Variants in ELFN2 observed in about 807,000 individuals in gnomAD.
ELFN2 encodes the protein extracellular leucine rich repeat and fibronectin type III domain containing 2, also known as protein phosphatase 1 regulatory subunit 29.
A neutral mutation model predicts 45.5 loss-of-function variants in ELFN2; 17 were observed. The ratio of observed to expected loss-of-function variants is 0.37; its 90% CI spans 0.26 to 0.56. The LOEUF is 0.56. Among genes scored for constraint, ELFN2 ranks in the 20% least tolerant of loss-of-function variants. ELFN2 has a pLI of 0.77. For synonymous variants in ELFN2, 550 were observed against 551.5 expected (o/e 1.00, Z 0.04); for missense variants, 922 against 1,183.2 (o/e 0.78, Z 3.24).
chr22:37,364,498 T>C (rs537175754), downstream of ELFN2, among the ~76,000 whole-genome samples: 1 of 151,900 alleles, frequency 6.6e-6, no homozygotes, highest in African/African-American at 2.4e-5. Context: ...AGGAAAACAG[T>C]GAGGGGCCAA....
intron 2 of ELFN2, among the ~76,000 whole-genome samples, chr22:37,409,481 G>C (rs1381153271): frequency 1.3e-5 from 2 of 152,160 alleles, no homozygotes; most frequent in African/African-American, 2.4e-5. Flanking sequence ...AAGTCCCAGG[G>C]AGCCCGCAGG....
At chr22:37,362,640 G>C (rs1328914060) in intron 1 of ELFN2, among the ~76,000 whole-genome samples, 1 of 152,244 alleles carries the variant, frequency 6.6e-6, no homozygotes, top group Non-Finnish European at 1.5e-5. Flanking sequence ...TGGGAGTAAA[G>C]TGGGTTAGAG....
intron 1 of ELFN2, among the ~76,000 whole-genome samples, chr22:37,348,091 C>G (rs1271014621): frequency 1.3e-5 from 2 of 152,242 alleles, no homozygotes; most frequent in Non-Finnish European, 2.9e-5. Flanking sequence ...TGGCTGTCCT[C>G]AACCTCAGGG....
chr22:37,387,392 C>T (rs184790527), intron 2 of ELFN2, among the ~76,000 whole-genome samples: 6 of 152,216 alleles, frequency 3.9e-5, no homozygotes, highest in Admixed American at 3.3e-4. Flanking sequence ...CTTTCTCCCC[C>T]CTTCTCTCTC....
At chr22:37,384,417 C>CA (rs763720557) in intron 2 of ELFN2, among the ~76,000 whole-genome samples, 4 of 151,772 alleles carry the variant, frequency 2.6e-5, no homozygotes, top group Non-Finnish European at 4.4e-5. Flanking sequence ...CTGCCTCCCT[C>CA]ACCCCTTCTC....
intron 2 of ELFN2, among the ~76,000 whole-genome samples, chr22:37,400,827 C>T (rs932963980): frequency 3.3e-5 from 5 of 152,240 alleles, no homozygotes; most frequent in African/African-American, 4.8e-5. Context: ...GGAGATCAAA[C>T]GAGGGCATTA....
At chr22:37,363,487 G>A (rs759881186), downstream of ELFN2, among the ~76,000 whole-genome samples, 1 of 152,204 alleles carries the variant, frequency 6.6e-6, no homozygotes, top group Non-Finnish European at 1.5e-5. Flanking sequence ...AGGACGGGGA[G>A]GACGGAAGAT....
chr22:37,348,003 A>G (rs918766988), intron 1 of ELFN2, among the ~76,000 whole-genome samples: 1 of 152,122 alleles, frequency 6.6e-6, no homozygotes, highest in Non-Finnish European at 1.5e-5. Context: ...CGTTCTGCTG[A>G]GCTGAACTCT....
At chr22:37,382,859 TC>T (rs1239400692) in intron 2 of ELFN2, among the ~76,000 whole-genome samples, 3 of 152,180 alleles carry the variant, frequency 2.0e-5, no homozygotes, top group African/African-American at 7.2e-5. Flanking sequence ...CTGATTCCCT[TC>T]TTGAACAGCT....
chr22:37,353,887 A>G (rs751509513), intron 1 of ELFN2: 3 of 141,066 alleles, frequency 2.1e-5, no homozygotes, highest in Non-Finnish European at 3.3e-5. Context: ...CATTTGCCCT[A>G]TGACTGAGCG....
At chr22:37,395,203 G>A (rs561058650) in intron 2 of ELFN2, among the ~76,000 whole-genome samples, 44 of 152,196 alleles carry the variant, frequency 2.9e-4, no homozygotes, top group South Asian at 1.5e-3. Flanking sequence ...AAGACAAAGT[G>A]GCCTCACAGC....
Position 37,375,859 on chromosome 22 carries a change from C to CTCT in ELFN2, c.-326_-325insAGA, listed in dbSNP as rs1405097484. 200 of 419,278 alleles carry CTCT rather than the reference C, an allele frequency of 4.8e-4. 1 individual carries two copies. The highest frequency in any genetic ancestry group is 7.2e-4 in the Non-Finnish European group (164 of 226,604). 26.0% of individuals were successfully genotyped at this position (419,278 alleles called of 1,614,324 possible). ...CTCCCTCCTCCTCCTCCTCCTCCTC[C>CTCT]TCCTCCTCCTCGTCTTCCTCCTTGG... On this transcript the variant is annotated 5_prime_UTR_variant, in exon 3 of 3. Coordinates refer to ENST00000402918, the MANE Select transcript of ELFN2 (RefSeq NM_052906.5).
rs1227460351 is a variant in ELFN2, at chr22:37,375,963, G to A, written c.-429C>T. The A allele has an allele frequency of 4.5e-6, 1 of 224,050 alleles. No homozygotes were observed. Among genetic ancestry groups the A allele is most frequent in the East Asian group, 1.3e-4 (1 of 7,448 alleles). The allele number at this position is 224,050 out of a possible 1,614,324, so 13.9% of individuals were successfully genotyped here. On this transcript the variant is annotated 5_prime_UTR_variant, in exon 3 of 3. Coordinates refer to ENST00000402918, the MANE Select transcript of ELFN2 (RefSeq NM_052906.5). ...CTGAGCCAGGAGTGAGAGAGATGGG[G>A]GCAGGAAGGAAGAGACCCATCTGCA... is the stretch of plus-strand genomic sequence containing the variant.
At chr22:37,346,556 G>A (rs1473748752) in intron 1 of ELFN2, among the ~76,000 whole-genome samples, 1 of 152,188 alleles carries the variant, frequency 6.6e-6, no homozygotes, top group African/African-American at 2.4e-5. Flanking sequence ...ATACAATTTG[G>A]TTTTTCATTT....
intron 2 of ELFN2, among the ~76,000 whole-genome samples, chr22:37,401,983 C>G (rs957163536): frequency 6.6e-6 from 1 of 152,150 alleles, no homozygotes; most frequent in African/African-American, 2.4e-5. Context: ...GAAGAAGCCC[C>G]AGATAAGGAA....
intron 2 of ELFN2, among the ~76,000 whole-genome samples, chr22:37,378,235 C>T (rs980109168): frequency 2.0e-5 from 3 of 152,146 alleles, no homozygotes; most frequent in Admixed American, 6.5e-5. Context: ...GTATGTGTGT[C>T]GGGGACATCC....
chr22:37,342,344 C>G (rs1301549243), intron 2 of ELFN2, among the ~76,000 whole-genome samples: 1 of 152,204 alleles, frequency 6.6e-6, no homozygotes, highest in Non-Finnish European at 1.5e-5. Context: ...TGCCCTTTCT[C>G]TAGCCTCCCT....
At chr22:37,418,713 C>A (rs778822027) in intron 1 of ELFN2, among the ~76,000 whole-genome samples, 2 of 152,066 alleles carry the variant, frequency 1.3e-5, no homozygotes, top group Non-Finnish European at 2.9e-5. Context: ...AACAAAGACA[C>A]CCTCGCCCTC....
At chr22:37,395,718 G>A (rs139040028) in intron 2 of ELFN2, among the ~76,000 whole-genome samples, 16 of 152,240 alleles carry the variant, frequency 1.1e-4, no homozygotes, top group South Asian at 6.2e-4. Flanking sequence ...CACAATATCC[G>A]TGCACCCAGG....
Sources: allele counts gnomAD v4.1 joint callset (sites outside exome capture counted in the v4.1 genomes callset), GRCh38; gene constraint gnomAD v4.1.1; transcripts MANE v1.5; gene names NCBI Gene and HGNC (gene_info 2026-07-23, HGNC 2026-07-21).